The following FDFT1 variants were observed in gnomAD, a reference collection of about 807,000 sequenced individuals.
The protein encoded by FDFT1 is farnesyl-diphosphate farnesyltransferase 1, also known as squalene synthase.
A neutral mutation model predicts 46.8 loss-of-function variants in FDFT1; 68 were observed. The ratio of observed to expected loss-of-function variants is 1.45; its 90% confidence interval spans 1.19 to 1.78. FDFT1 has a LOEUF of 1.78. Ranked by LOEUF, FDFT1 falls within the 40% of genes most tolerant of loss-of-function variation. The probability of loss-of-function intolerance (pLI) is 0.00; values close to 1 mark genes in which losing one functional copy is unlikely to be tolerated. For missense variants in FDFT1, 928 were observed against 524.4 expected, an observed-to-expected ratio of 1.77 and a Z score of -7.52; for synonymous variants, 351 against 185.1, an observed-to-expected ratio of 1.90 and a Z score of -7.28.
At chr8:11,828,400 T>C (rs1810306076) in intron 5 of FDFT1, among the ~76,000 whole-genome samples, 1 of 152,218 alleles carries the variant, frequency 6.6e-6, no homozygotes, top group Admixed American at 6.5e-5. Context: ...GAAACCACTC[T>C]TGTCTTACCC....
chr8:11,811,386 T>A (rs1169115086), intron 3 of FDFT1, among the ~76,000 whole-genome samples: 1 of 152,230 alleles, frequency 6.6e-6, no homozygotes, highest in Non-Finnish European at 1.5e-5. Context: ...TACATTTGAC[T>A]TGAGTGGATT....
At chr8:11,812,245 C>G (rs1807817467) in intron 3 of FDFT1, among the ~76,000 whole-genome samples, 1 of 152,188 alleles carries the variant, frequency 6.6e-6, no homozygotes, top group Non-Finnish European at 1.5e-5. Flanking sequence ...GTTCCTTGCC[C>G]CAAATCCCTG....
chr8:11,838,877 G>C lies in FDFT1; in HGVS notation c.*268G>C. On this transcript the variant is annotated 3_prime_UTR_variant, in exon 8 of 8. Coordinates refer to ENST00000220584, the MANE Select transcript of FDFT1 (RefSeq NM_004462.5). ...GCAGAGCATTCAGTGCCACGGTTTA[G>C]GTGAAGTCGCTGCATATGTGACTGT... 6.4e-6 allele frequency: 3 copies of C among 465,326 alleles called. No individual in the cohort carries two copies. Among genetic ancestry groups the C allele is most frequent in the Non-Finnish European group, 1.2e-5 (3 of 256,768 alleles). The allele number at this position is 465,326 out of a possible 1,614,324, so 28.8% of individuals were successfully genotyped here.
chr8:11,806,219 G>A (rs541909591), intron 1 of FDFT1, among the ~76,000 whole-genome samples: 5 of 151,930 alleles, frequency 3.3e-5, no homozygotes, highest in South Asian at 2.1e-4. Context: ...TTTTTCTCCC[G>A]CTTGCGAGCT....
chr8:11,821,771 C>A lies in FDFT1; in HGVS notation c.403C>A (p.Leu135Met). 1 of 1,613,436 alleles carries A rather than the reference C, an allele frequency of 6.2e-7. No homozygotes were observed. Among genetic ancestry groups the A allele is most frequent in the Non-Finnish European group, 8.5e-7 (1 of 1,179,516 alleles). Residue 135 changes from leucine to methionine, a missense_variant, in exon 4 of 8, where the codon CTG becomes ATG. By Grantham distance (15) the Leu-to-Met change is conservative. Coordinates refer to ENST00000220584, the MANE Select transcript of FDFT1 (RefSeq NM_004462.5). ...TCAGATCTCCCTTGAGTTTAGAAAT[C>A]TGGCTGAGAAATACCAAACAGTGAT... The part of the protein sequence containing the change: ...FPTISLEFRN[L>M]AEKYQTVIAD...
chr8:11,797,009 C>A (rs1006079448), intron 1 of FDFT1, among the ~76,000 whole-genome samples: 2 of 152,206 alleles, frequency 1.3e-5, no homozygotes, highest in African/African-American at 4.8e-5. Context: ...GATTAAAGGA[C>A]AGTTTCTGAA....
intron 1 of FDFT1, chr8:11,803,334 G>A: frequency 7.7e-7 from 1 of 1,293,406 alleles, no homozygotes; most frequent in South Asian, 1.2e-5. Flanking sequence ...AACATCACAT[G>A]AAGGCCGTTT....
At chr8:11,802,630 A>C (rs990654644), upstream of FDFT1, 3 of 590,870 alleles carry the variant, frequency 5.1e-6, no homozygotes, top group African/African-American at 3.8e-5. Flanking sequence ...CCGTCAGCCC[A>C]CCCCACGAGG....
At chr8:11,824,737 T>A (rs1585960167) in intron 4 of FDFT1, among the ~76,000 whole-genome samples, 1 of 151,976 alleles carries the variant, frequency 6.6e-6, no homozygotes, top group East Asian at 1.9e-4. Flanking sequence ...GTTCTTTTTT[T>A]CTGTTGTTGT....
chr8:11,806,773 C>G (rs1183670983), intron 1 of FDFT1, among the ~76,000 whole-genome samples: 2 of 152,112 alleles, frequency 1.3e-5, no homozygotes, highest in African/African-American at 4.8e-5. Flanking sequence ...TGAAATCCTG[C>G]CTCTCGATAT....
intron 2 of FDFT1, chr8:11,809,425 C>T (rs1807390858): frequency 1.6e-6 from 2 of 1,243,926 alleles, no homozygotes; most frequent in South Asian, 2.5e-5. Flanking sequence ...CAACTCACTT[C>T]TGGGAGTAGT....
rs745651943 is a variant in FDFT1 at position 11,838,502 on chromosome 8, TC to T, written c.1152del (p.Ile385SerfsTer12). Reference sequence around the variant, plus strand: ...TCAGCTGATTTCCCGAAGCCACTACTCCCCCATCTACCTGTCGTTTGTCATG... The same window carrying T: ...TCAGCTGATTTCCCGAAGCCACTACTCCCCATCTACCTGTCGTTTGTCATG... ...NCQLISRSHY[S>X]PIYLSFVMLL... On this transcript the variant is annotated frameshift_variant, in exon 8 of 8. Coordinates refer to ENST00000220584, the MANE Select transcript of FDFT1 (RefSeq NM_004462.5). LOFTEE classifies it high-confidence loss of function. The T allele has an allele frequency of 6.2e-7, 1 of 1,607,414 alleles. No individual in the cohort carries two copies.
chr8:11,836,945 GGTGA>G (rs1411304622), intron 7 of FDFT1, among the ~76,000 whole-genome samples: 1 of 152,148 alleles, frequency 6.6e-6, no homozygotes, highest in African/African-American at 2.4e-5. Flanking sequence ...GAGATAAAAA[GGTGA>G]GTAAGTAGGT....
At chr8:11,829,118 C>T (rs1385202493) in intron 5 of FDFT1, among the ~76,000 whole-genome samples, 1 of 151,220 alleles carries the variant, frequency 6.6e-6, no homozygotes, top group East Asian at 1.9e-4. Flanking sequence ...TTCCCGTCAG[C>T]AGTGTGAGAG....
At chr8:11,808,445 C>T (rs926739321) in intron 1 of FDFT1, 2 of 1,271,132 alleles carry the variant, frequency 1.6e-6, no homozygotes, top group South Asian at 3.1e-5. Flanking sequence ...CGAGCCCGTC[C>T]CGCCCCTCGT....
chr8:11,832,453 G>A (rs1362226158), intron 7 of FDFT1, among the ~76,000 whole-genome samples: 1 of 149,248 alleles, frequency 6.7e-6, no homozygotes, highest in African/African-American at 2.5e-5. Context: ...AGGAGGCTGA[G>A]GCAGGTGGAT....
At position 11,823,543 on chromosome 8, in the gene FDFT1, T is replaced by C. The variant is rs118170598; in HGVS notation, c.510+1665T>C. 1.7e-3 allele frequency among the ~76,000 whole-genome samples: 254 copies of C among 152,284 alleles called. 3 individuals are homozygous for C. The East Asian group carries it at 0.042, about 25-fold the overall frequency. ...TTCACCTGTGCATTCTTCCCCCTGA[T>C]TAGTCTCTGGCTTTGTATTACTTTC... On this transcript the variant is annotated intron_variant, in intron 4 of 7. Transcript: ENST00000220584.
At chr8:11,816,121 G>T (rs1301959709) in intron 3 of FDFT1, among the ~76,000 whole-genome samples, 1 of 152,200 alleles carries the variant, frequency 6.6e-6, no homozygotes, top group South Asian at 2.1e-4. Context: ...TTATTAAATA[G>T]GGAATCCTTT....
intron 5 of FDFT1, among the ~76,000 whole-genome samples, chr8:11,827,692 G>A (rs575686175): frequency 5.5e-4 from 84 of 152,220 alleles, no homozygotes; most frequent in African/African-American, 2.0e-3. Context: ...ACACACAGAT[G>A]ATTATTAAAA....
Sources: allele counts gnomAD v4.1 joint callset (sites outside exome capture counted in the v4.1 genomes callset), GRCh38; gene constraint gnomAD v4.1.1; transcripts MANE v1.5; gene names NCBI Gene and HGNC (gene_info 2026-07-23, HGNC 2026-07-21).